TMEM255A: variants seen among roughly 807,000 people sequenced by gnomAD.
TMEM255A encodes family with sequence similarity 70, member A.
TMEM255A carries 14 observed loss-of-function variants against 23.5 expected under a neutral mutation model. The ratio of observed to expected loss-of-function variants is 0.60; its 90% CI spans 0.39 to 0.93. The LOEUF (loss-of-function observed/expected upper bound fraction) is 0.93. Ranked by LOEUF, TMEM255A falls within the 40% of genes least tolerant of loss-of-function variation. TMEM255A has a pLI of 0.00. For missense variants in TMEM255A, 233 were observed against 261.7 expected, an observed-to-expected ratio of 0.89 and a Z score of 0.76; for synonymous variants, 104 against 100.3, an observed-to-expected ratio of 1.04 and a Z score of -0.22.
At chrX:120,276,092 G>A (rs1487392630) in intron 7 of TMEM255A, among the ~76,000 whole-genome samples, 1 of 111,154 alleles carries the variant, frequency 9.0e-6, no homozygotes, top group African/African-American at 3.3e-5. Context: ...CACCATGCTG[G>A]GCAGGTGATT....
downstream of TMEM255A, chrX:120,254,980 A>T: frequency 8.2e-7 from 1 of 1,212,159 alleles, no homozygotes; most frequent in Non-Finnish European, 1.1e-6. Flanking sequence ...GAGAAGAAGT[A>T]TCCGTGCCGT....
At chrX:120,307,818 T>C (rs903520567) in intron 1 of TMEM255A, among the ~76,000 whole-genome samples, 12 of 111,892 alleles carry the variant, frequency 1.1e-4, no homozygotes, top group Admixed American at 9.4e-4. Context: ...GAGTCTGAAA[T>C]CTTTTCATTG....
Position 120,260,304 on chromosome X carries a change from A to G in TMEM255A, c.*566T>C, listed in dbSNP as rs1556016351. 1 of 466,759 alleles carries G rather than the reference A, an allele frequency of 2.1e-6. No homozygotes were observed. The highest frequency in any genetic ancestry group is 2.6e-5 in the African/African-American group (1 of 38,018). 38.5% of individuals were successfully genotyped at this position (466,759 alleles called of 1,213,427 possible). A position where few individuals can be genotyped will look rare whatever the true frequency, so the allele number is the denominator to read the frequency against. ...AGTGATCACAACAGCCATTTTTACA[A>G]TACTCACAGAGAAGGAAGGAGTAAG... On this transcript the variant is annotated 3_prime_UTR_variant, in exon 9 of 9. Coordinates refer to ENST00000371369, the MANE Select transcript of TMEM255A (RefSeq NM_001104544.3).
At chrX:120,302,651 GC>G (rs201791482) in intron 2 of TMEM255A, among the ~76,000 whole-genome samples, 455 of 111,293 alleles carry the variant, frequency 4.1e-3, no homozygotes, top group African/African-American at 0.014. Flanking sequence ...TGGGTCACCT[GC>G]CCTCAGCTGG....
At chrX:120,285,986 C>G in intron 5 of TMEM255A, 1 of 1,027,052 alleles carries the variant, frequency 9.7e-7, no homozygotes, top group Admixed American at 2.7e-5. Flanking sequence ...ATATTCATAG[C>G]AAATGGGCAT....
chrX:120,254,927 C>T, downstream of TMEM255A: 4 of 1,212,103 alleles, frequency 3.3e-6, no homozygotes, highest in East Asian at 5.9e-5. Flanking sequence ...GGTCATATGT[C>T]TGTCTGACAA....
intron 4 of TMEM255A, among the ~76,000 whole-genome samples, chrX:120,290,564 T>C (rs2057907995): frequency 8.9e-6 from 1 of 112,491 alleles, no homozygotes; most frequent in Non-Finnish European, 1.9e-5. Context: ...CAGCAGCTAA[T>C]ATGCAAAAAC....
At chrX:120,264,856 C>T (rs1407742517) in intron 8 of TMEM255A, among the ~76,000 whole-genome samples, 3 of 106,369 alleles carry the variant, frequency 2.8e-5, no homozygotes, top group African/African-American at 3.5e-5. Flanking sequence ...TATAAGCAGA[C>T]GTTTCCTGCC....
intron 2 of TMEM255A, among the ~76,000 whole-genome samples, chrX:120,295,072 C>T (rs1569339004): frequency 9.0e-6 from 1 of 111,718 alleles, no homozygotes; most frequent in Non-Finnish European, 1.9e-5. Flanking sequence ...TAACAGATCT[C>T]ACTGCCCTCT....
intron 8 of TMEM255A, among the ~76,000 whole-genome samples, chrX:120,266,338 C>T (rs1031990119): frequency 3.2e-4 from 35 of 109,168 alleles, no homozygotes; most frequent in Non-Finnish European, 5.5e-4. Flanking sequence ...TGACCCCCCA[C>T]CCCCAAGTCC....
rs781815565 is a variant in TMEM255A, at chrX:120,261,015, A to G, written c.833T>C (p.Phe278Ser). 1.7e-6 allele frequency: 2 copies of G among 1,192,058 alleles called. No individual in the cohort carries two copies. Residue 278 changes from phenylalanine (F) to serine (S), a missense_variant, in exon 9 of 9, where the codon TTT (phenylalanine) becomes TCT (serine). Physicochemically the swap from Phe to Ser is radical, Grantham distance 155. Transcript: ENST00000371369. ...SAYDFQHSGV[F>S]PSSPPSGLSD... ...AAGTCCAGAGGGAGGGGAGGATGGA[A>G]AGACACCGGAATGCTGTGTGATAAA...
chrX:120,271,696 C>CTT (rs782255020), intron 7 of TMEM255A, among the ~76,000 whole-genome samples: 41 of 109,715 alleles, frequency 3.7e-4, no homozygotes, highest in Non-Finnish European at 7.2e-4. Context: ...GAGCCCCTAA[C>CTT]TTATACTAGA....
At chrX:120,254,335 A>G (rs782571951), downstream of TMEM255A, 14 of 1,209,885 alleles carry the variant, frequency 1.2e-5, no homozygotes, top group Admixed American at 8.7e-5. Context: ...TCTTCAATCA[A>G]TTTACTTGTG....
intron 5 of TMEM255A, chrX:120,285,532 G>C (rs782595979): frequency 3.8e-5 from 43 of 1,120,369 alleles, no homozygotes; most frequent in Non-Finnish European, 5.0e-5. Context: ...ATGAGAATAT[G>C]AGGGCAGGCA....
intron 2 of TMEM255A, among the ~76,000 whole-genome samples, chrX:120,296,056 T>G (rs1556023976): frequency 8.9e-6 from 1 of 111,839 alleles, no homozygotes; most frequent in Non-Finnish European, 1.9e-5. Flanking sequence ...TAGTCTCTCC[T>G]TTTGGCACTC....
chrX:120,307,825 A>G (rs1465739112), intron 1 of TMEM255A, among the ~76,000 whole-genome samples: 1 of 112,030 alleles, frequency 8.9e-6, no homozygotes, highest in Admixed American at 9.4e-5. Context: ...AAATCTTTTC[A>G]TTGGCCTTGC....
intron 2 of TMEM255A, among the ~76,000 whole-genome samples, chrX:120,295,150 G>A (rs1182185870): frequency 8.9e-6 from 1 of 112,148 alleles, no homozygotes; most frequent in Admixed American, 9.5e-5. Flanking sequence ...GATAGCTGTT[G>A]ATGGGGATGA....
intron 8 of TMEM255A, among the ~76,000 whole-genome samples, chrX:120,264,477 T>A (rs1270634543): frequency 9.0e-6 from 1 of 111,199 alleles, no homozygotes; most frequent in Non-Finnish European, 1.9e-5. Context: ...TCCTTGCTCA[T>A]GTCTGACCAC....
intron 6 of TMEM255A, among the ~76,000 whole-genome samples, chrX:120,280,638 C>T (rs1334001388): frequency 3.6e-5 from 4 of 111,013 alleles, no homozygotes; most frequent in African/African-American, 1.3e-4. Context: ...CCCACTGCTG[C>T]CTGATTACTC....
Sources: allele counts gnomAD v4.1 joint callset (sites outside exome capture counted in the v4.1 genomes callset), GRCh38; gene constraint gnomAD v4.1.1; transcripts MANE v1.5; gene names NCBI Gene and HGNC (gene_info 2026-07-23, HGNC 2026-07-21).